Variants in MTX3 observed in about 807,000 individuals in gnomAD.
MTX3 encodes the protein metaxin 3.
Under a neutral mutation model 42.5 loss-of-function variants are expected in MTX3, and 27 were observed. The ratio of observed to expected loss-of-function variants is 0.64; its 90% CI spans 0.47 to 0.88. The LOEUF (loss-of-function observed/expected upper bound fraction) is 0.88. Among genes scored for constraint, MTX3 ranks in the 40% least tolerant of loss-of-function variants. The probability of loss-of-function intolerance (pLI) is 0.00; values close to 1 mark genes in which losing one functional copy is unlikely to be tolerated. For synonymous variants in MTX3, 144 were observed against 132.9 expected (o/e 1.08, Z -0.57); for missense variants, 378 against 367.0 (o/e 1.03, Z -0.25).
Position 79,988,288 on chromosome 5 carries a change from T to A in MTX3, c.532A>T (p.Asn178Tyr). ...GTTCCCAATCTGTTTGATAGAAGATTTAGGCACTCCTTGGCATCTCTGTAT... is the reference window on the plus strand; with the variant it reads ...GTTCCCAATCTGTTTGATAGAAGATATAGGCACTCCTTGGCATCTCTGTAT... ...QIYRDAKECL[N>Y]LLSNRLGTSQ... The change falls in exon 6 of 9, where the codon AAT (asparagine) becomes TAT (tyrosine). Residue 178 changes from asparagine to tyrosine, a missense_variant. Asn to Tyr is a moderately radical substitution (Grantham distance 143, BLOSUM62 -2). Transcript: ENST00000512528. The A allele has an allele frequency of 6.4e-7, 1 of 1,556,302 alleles. No homozygotes were observed. The highest frequency in any genetic ancestry group is 8.7e-7 in the Non-Finnish European group (1 of 1,146,218).
chr5:79,990,607 C>T lies in MTX3; in HGVS notation c.138G>A (p.Trp46Ter), dbSNP rs751411025. The T allele has an allele frequency of 1.2e-6, 2 of 1,610,390 alleles. No homozygotes were observed. Among genetic ancestry groups the T allele is most frequent in the South Asian group, 2.2e-5 (2 of 90,504 alleles). ...PLKVNVIDNT[W>*]RGSRGDVPIL... ...TTTACACTATACCTCTTGAACCTCT[C>T]CAGGTGTTATCTATCACATTGACTT... The change falls in exon 2 of 9, where the codon TGG becomes TGA. Residue 46 changes from tryptophan (W) to a stop codon, truncating the protein, a stop_gained. Coordinates refer to ENST00000512528, the MANE Select transcript of MTX3 (RefSeq NM_001363818.2). LOFTEE classifies it high-confidence loss of function.
intron 1 of MTX3, 76 bp from the exon 2 acceptor site, chr5:79,990,739 C>A: frequency 9.5e-7 from 1 of 1,048,142 alleles, no homozygotes; most frequent in Non-Finnish European, 1.5e-6. Context: ...TACTTCACAG[C>A]CCCATCCCCC....
At position 79,978,348 on chromosome 5, in the gene MTX3, G is replaced by C. The variant is rs1831300827; in HGVS notation, c.*5336C>G. 6.6e-6 allele frequency: 1 copy of C among 152,218 alleles called. No homozygotes were observed. The highest frequency in any genetic ancestry group is 2.4e-5 in the African/African-American group (1 of 41,428). 9.4% of individuals were successfully genotyped at this position (152,218 alleles called of 1,614,324 possible). A position where few individuals can be genotyped will look rare whatever the true frequency, so the allele number is the denominator to read the frequency against. ...TCATACCTATAATTCCAGCACTGTG[G>C]GAGGGTGAGGCGGGCAGAATCACCT... On this transcript the variant is annotated 3_prime_UTR_variant, in exon 9 of 9. Coordinates refer to ENST00000512528, the MANE Select transcript of MTX3 (RefSeq NM_001363818.2).
chr5:79,990,990 G>A (rs760498152), intron 1 of MTX3, 168 bp downstream of exon 1: 1 of 778,196 alleles, frequency 1.3e-6, no homozygotes, highest in Non-Finnish European at 2.2e-6. Context: ...TTCGGCGGGG[G>A]TATCGGCCAG....
In MTX3 at chr5:79,991,178, T is replaced by C. The variant is rs1831655164; in HGVS notation, c.61A>G (p.Ser21Gly). Residue 21 changes from serine to glycine, a missense_variant, in exon 1 of 9, where the codon AGC (serine) becomes GGC (glycine). Ser to Gly is a moderately conservative substitution (Grantham distance 56). Coordinates refer to ENST00000512528, the MANE Select transcript of MTX3 (RefSeq NM_001363818.2). Reference protein sequence around the residue: ...GGGWGLPSVHSESLVVMAYAK... With the variant: ...GGGWGLPSVHGESLVVMAYAK... ...CTCACCATCACCACCAGGGACTCGC[T>C]GTGAACCGATGGGAGTCCCCAGCCG... 2 of 1,513,734 alleles carry C rather than the reference T, an allele frequency of 1.3e-6. No individual in the cohort carries two copies. Among genetic ancestry groups the C allele is most frequent in the African/African-American group, 1.4e-5 (1 of 72,088 alleles). The allele number at this position is 1,513,734 out of a possible 1,614,324, so 93.8% of individuals were successfully genotyped here. A position where few individuals can be genotyped will look rare whatever the true frequency, so the allele number is the denominator to read the frequency against.
At chr5:79,984,624 A>G (rs1451882655) in intron 8 of MTX3, among the ~76,000 whole-genome samples, 1 of 127,904 alleles carries the variant, frequency 7.8e-6, no homozygotes, top group African/African-American at 2.7e-5. Context: ...TTGTATCAGG[A>G]AAAAAAAAAA....
At chr5:79,984,772 C>G (rs1246465747) in intron 8 of MTX3, among the ~76,000 whole-genome samples, 1 of 151,870 alleles carries the variant, frequency 6.6e-6, no homozygotes, top group Non-Finnish European at 1.5e-5. Context: ...AAGAACACCC[C>G]AAGTGGCAAA....
rs1278041877 is a variant in MTX3, at chr5:79,990,181, T to A, written c.207A>T (p.Ile69=). The A allele has an allele frequency of 6.2e-7, 1 of 1,610,066 alleles. No homozygotes were observed. ...CCACCTGTTTTCTTAAAAAGTTTAG[T>A]ATTTTTGCTGGCTGAGAAACCATGT... ...EDDMVSQPAK[I]LNFLRKQKYN... is the part of the protein sequence containing the mutation. The change falls in exon 3 of 9, where the codon ATA becomes ATT. Residue 69 remains isoleucine (I), a synonymous_variant. Transcript: ENST00000512528.
chr5:79,986,584 A>T (rs1313591416), intron 7 of MTX3: 1 of 360,206 alleles, frequency 2.8e-6, no homozygotes, highest in Non-Finnish European at 5.4e-6. Context: ...AGCAGGTAAA[A>T]ATCATTTAAA....
rs1831352838 is a variant in MTX3 at position 79,980,646 on chromosome 5, G to A, written c.*3038C>T. On this transcript the variant is annotated 3_prime_UTR_variant, in exon 9 of 9. Transcript: ENST00000512528. ...ATCTTCATCTTATGGGAATTATCTA[G>A]TTTTTCTAATCATATACTACCAACA... 6.6e-6 allele frequency: 1 copy of A among 151,604 alleles called. No homozygotes were observed. The highest frequency in any genetic ancestry group is 2.4e-5 in the African/African-American group (1 of 41,338). The allele number at this position is 151,604 out of a possible 1,614,324, so 9.4% of individuals were successfully genotyped here.
In MTX3 at chr5:79,977,085, T is replaced by C. The variant is rs1240723481; in HGVS notation, c.*6599A>G. 1 of 152,198 alleles carries C rather than the reference T, an allele frequency of 6.6e-6. No homozygotes were observed. Among genetic ancestry groups the C allele is most frequent in the Non-Finnish European group, 1.5e-5 (1 of 68,030 alleles). The allele number at this position is 152,198 out of a possible 1,614,324, so 9.4% of individuals were successfully genotyped here. ...CTGTCAATCTTTCAGAACAGTAACA[T>C]GACATTACAAACACCTCAAATTCCC... On this transcript the variant is annotated 3_prime_UTR_variant, in exon 9 of 9. Coordinates refer to ENST00000512528, the MANE Select transcript of MTX3 (RefSeq NM_001363818.2).
chr5:79,985,484 G>T (rs1005628931), intron 8 of MTX3, 87 bp downstream of exon 8: 26 of 841,846 alleles, frequency 3.1e-5, no homozygotes, highest in Non-Finnish European at 4.6e-5. Flanking sequence ...AACTAAAAGG[G>T]TACAGTTAAT....
chr5:79,988,166 G>C (rs577669632), intron 6 of MTX3, 73 bp downstream of exon 6: 1 of 848,876 alleles, frequency 1.2e-6, no homozygotes, highest in East Asian at 2.7e-5. Context: ...GAGATAAGAG[G>C]ACTTGCTTTA....
At position 79,980,119 on chromosome 5, in the gene MTX3, G is replaced by A. The variant is rs1831339821; in HGVS notation, c.*3565C>T. On this transcript the variant is annotated 3_prime_UTR_variant, in exon 9 of 9. Transcript: ENST00000512528. ...AGGGTTGAAGTTTTTGACAGTTGATGAAAAACTGTCAAAAAATTGTAACAA... is the reference window on the plus strand; with the variant it reads ...AGGGTTGAAGTTTTTGACAGTTGATAAAAAACTGTCAAAAAATTGTAACAA... 1 of 152,064 alleles carries A rather than the reference G, an allele frequency of 6.6e-6. No homozygotes were observed. The highest frequency in any genetic ancestry group is 2.4e-5 in the African/African-American group (1 of 41,400). 9.4% of individuals were successfully genotyped at this position (152,064 alleles called of 1,614,324 possible). A position where few individuals can be genotyped will look rare whatever the true frequency, so the allele number is the denominator to read the frequency against.
chr5:79,984,624 A>C (rs1451882655), intron 8 of MTX3, among the ~76,000 whole-genome samples: 1 of 127,904 alleles, frequency 7.8e-6, no homozygotes, highest in Non-Finnish European at 1.8e-5. Flanking sequence ...TTGTATCAGG[A>C]AAAAAAAAAA....
intron 3 of MTX3, among the ~76,000 whole-genome samples, 167 bp from the exon 4 acceptor site, chr5:79,989,411 TA>T (rs1309428742): frequency 5.9e-5 from 9 of 152,208 alleles, no homozygotes; most frequent in Non-Finnish European, 4.4e-5. Flanking sequence ...TTAATGCACA[TA>T]AAGTTCTTAG....
At chr5:79,989,008 C>T in intron 4 of MTX3, 144 bp downstream of exon 4, 2 of 574,906 alleles carry the variant, frequency 3.5e-6, no homozygotes, top group East Asian at 3.0e-5. Flanking sequence ...TAACAGAATC[C>T]AGTTTCACAG....
rs1055509633 is a variant in MTX3, at chr5:79,976,891, A to G, written c.*6793T>C. 1 of 152,676 alleles carries G rather than the reference A, an allele frequency of 6.5e-6. No individual in the cohort carries two copies. Among genetic ancestry groups the G allele is most frequent in the African/African-American group, 2.4e-5 (1 of 41,472 alleles). 9.5% of individuals were successfully genotyped at this position (152,676 alleles called of 1,614,324 possible). ...TATTCACACTCGGCAAGGCTAGAAT[A>G]TTGAAATTATGGCCAACATTGCTTA... On this transcript the variant is annotated 3_prime_UTR_variant, in exon 9 of 9. Transcript: ENST00000512528.
At chr5:79,985,363 T>TA (rs1831466750) in intron 8 of MTX3, among the ~76,000 whole-genome samples, 2 of 152,104 alleles carry the variant, frequency 1.3e-5, no homozygotes, top group African/African-American at 4.8e-5. Context: ...CCAATACTCT[T>TA]ATCTGATCTT....
Sources: allele counts gnomAD v4.1 joint callset (sites outside exome capture counted in the v4.1 genomes callset), GRCh38; gene constraint gnomAD v4.1.1; transcripts MANE v1.5; gene names NCBI Gene and HGNC (gene_info 2026-07-23, HGNC 2026-07-21).